Variants in KLHL7 observed in about 807,000 individuals in gnomAD.
KLHL7 encodes kelch like family member 7.
In KLHL7, 44 loss-of-function variants were observed where a neutral mutation model predicts 67.4. The observed-to-expected ratio is 0.65, with a 90% CI of 0.51 to 0.84. The LOEUF (loss-of-function observed/expected upper bound fraction) is 0.84, where lower values mean the gene tolerates loss of function less well. KLHL7 is among the 40% of genes least tolerant of loss of function. KLHL7 has a pLI of 0.00. For synonymous variants in KLHL7, 252 were observed against 243.3 expected (o/e 1.04, Z -0.33); for missense variants, 362 against 718.1 (o/e 0.50, Z 5.67).
At chr7:23,162,184 A>G (rs977987316) in intron 7 of KLHL7, among the ~76,000 whole-genome samples, 1 of 152,212 alleles carries the variant, frequency 6.6e-6, no homozygotes, top group Non-Finnish European at 1.5e-5. Flanking sequence ...CAGGGGCTAA[A>G]GACGCAGCTT....
At chr7:23,133,734 C>G (rs1006726063) in intron 4 of KLHL7, among the ~76,000 whole-genome samples, 5 of 152,060 alleles carry the variant, frequency 3.3e-5, no homozygotes, top group African/African-American at 1.2e-4. Context: ...ATGCCCAGCC[C>G]TCTTATTTCT....
chr7:23,175,763 C>T lies in KLHL7; in HGVS notation c.*1465C>T, dbSNP rs953818588. On this transcript the variant is annotated 3_prime_UTR_variant, in exon 11 of 11. Coordinates refer to ENST00000339077, the MANE Select transcript of KLHL7 (RefSeq NM_001031710.3). The stretch of plus-strand genomic sequence containing the variant: ...ATCATTTGAGGTCAGCAGTTCAAGA[C>T]CACCCTGGCCAACATGATGAGACCC... 4.0e-5 allele frequency: 7 copies of T among 174,434 alleles called. No individual in the cohort carries two copies. The highest frequency in any genetic ancestry group is 1.7e-4 in the African/African-American group (7 of 41,404). The allele number at this position is 174,434 out of a possible 1,614,324, so 10.8% of individuals were successfully genotyped here.
chr7:23,111,306 T>C (rs749447888), intron 1 of KLHL7, among the ~76,000 whole-genome samples: 2 of 152,162 alleles, frequency 1.3e-5, no homozygotes, highest in Non-Finnish European at 2.9e-5. Context: ...TACTTTATTA[T>C]AGAATGGCAA....
At chr7:23,125,283 T>C in intron 4 of KLHL7, 111 bp downstream of exon 4, 1 of 1,122,744 alleles carries the variant, frequency 8.9e-7, no homozygotes, top group South Asian at 1.4e-5. Flanking sequence ...TTAAAGACAT[T>C]GTCCACTAGA....
chr7:23,150,617 T>G (rs1164581875), intron 6 of KLHL7, among the ~76,000 whole-genome samples: 1 of 152,170 alleles, frequency 6.6e-6, no homozygotes. Flanking sequence ...AACTTTAGAT[T>G]GATAAACTCC....
chr7:23,159,601 G>A (rs541177078), intron 7 of KLHL7, among the ~76,000 whole-genome samples: 6 of 151,900 alleles, frequency 3.9e-5, no homozygotes, highest in African/African-American at 7.2e-5. Flanking sequence ...GCGTGATCTC[G>A]GTTCACTGCA....
chr7:23,142,895 CA>C (rs1441792472), intron 5 of KLHL7, among the ~76,000 whole-genome samples: 2 of 151,652 alleles, frequency 1.3e-5, no homozygotes, highest in African/African-American at 2.4e-5. Flanking sequence ...TAAAGAAATC[CA>C]AAAAAATATG....
chr7:23,107,565 T>G (rs1782694723), intron 1 of KLHL7, among the ~76,000 whole-genome samples: 1 of 152,238 alleles, frequency 6.6e-6, no homozygotes, highest in Non-Finnish European at 1.5e-5. Context: ...AGCAGAGGAT[T>G]ATCTGAGACT....
At chr7:23,110,703 G>A (rs1189530684) in intron 1 of KLHL7, among the ~76,000 whole-genome samples, 1 of 150,614 alleles carries the variant, frequency 6.6e-6, no homozygotes, top group South Asian at 2.1e-4. Flanking sequence ...CCATATTGGT[G>A]TGCTGCACCC....
chr7:23,174,869 A>G lies in KLHL7; in HGVS notation c.*571A>G, dbSNP rs540531789. On this transcript the variant is annotated 3_prime_UTR_variant, in exon 11 of 11. Transcript: ENST00000339077. The stretch of plus-strand genomic sequence containing the variant: ...CACACTTTCTCACAAAACTTCCTAA[A>G]CAGATTTGGGGGTTTAATATGTCCA... 2.2e-6 allele frequency: 1 copy of G among 454,556 alleles called. No homozygotes were observed. Among genetic ancestry groups the G allele is most frequent in the East Asian group, 6.9e-5 (1 of 14,398 alleles). The allele number at this position is 454,556 out of a possible 1,614,324, so 28.2% of individuals were successfully genotyped here. A position where few individuals can be genotyped will look rare whatever the true frequency, so the allele number is the denominator to read the frequency against.
chr7:23,159,287 C>A (rs1324785490), intron 7 of KLHL7, among the ~76,000 whole-genome samples: 1 of 152,050 alleles, frequency 6.6e-6, no homozygotes, highest in African/African-American at 2.4e-5. Flanking sequence ...CCTCAGCCTC[C>A]CAAGTAGCAG....
intron 6 of KLHL7, among the ~76,000 whole-genome samples, chr7:23,147,462 A>C (rs1261174274): frequency 6.6e-6 from 1 of 151,982 alleles, no homozygotes; most frequent in Non-Finnish European, 1.5e-5. Flanking sequence ...AAACTCTTCA[A>C]ATGTTATTTT....
intron 4 of KLHL7, chr7:23,125,904 G>C: frequency 6.7e-7 from 1 of 1,495,930 alleles, no homozygotes; most frequent in African/African-American, 1.4e-5. Flanking sequence ...AAGACCCCCA[G>C]TGAATGCCTG....
chr7:23,165,946 C>G lies in KLHL7; in HGVS notation c.1177+8C>G. 6.2e-7 allele frequency: 1 copy of G among 1,613,808 alleles called. No homozygotes were observed. The highest frequency in any genetic ancestry group is 1.3e-5 in the African/African-American group (1 of 74,998). ...CTGGAGGTTCAGAAGTAGGTAAGGA[C>G]TTCTTAAGTATTTTGGTTTGGGGCA... On this transcript the variant is annotated splice_region_variant and intron_variant, in intron 8 of 10. Transcript: ENST00000339077.
chr7:23,108,798 A>G (rs1187438200), intron 1 of KLHL7, among the ~76,000 whole-genome samples: 1 of 151,986 alleles, frequency 6.6e-6, no homozygotes, highest in Non-Finnish European at 1.5e-5. Context: ...TATGGCATAA[A>G]CTCTTGTGTT....
chr7:23,169,539 T>C (rs1785096372), intron 9 of KLHL7, among the ~76,000 whole-genome samples: 1 of 152,160 alleles, frequency 6.6e-6, no homozygotes, highest in Non-Finnish European at 1.5e-5. Context: ...TGATTCATTC[T>C]GCTAATTATT....
intron 6 of KLHL7, among the ~76,000 whole-genome samples, chr7:23,147,962 A>G (rs1451006641): frequency 4.6e-5 from 7 of 152,158 alleles, no homozygotes; most frequent in Admixed American, 4.6e-4. Flanking sequence ...GTAACCACCA[A>G]TCCTAGTGAT....
At chr7:23,159,450 C>G (rs1400792811) in intron 7 of KLHL7, among the ~76,000 whole-genome samples, 2 of 152,128 alleles carry the variant, frequency 1.3e-5, no homozygotes, top group Non-Finnish European at 2.9e-5. Flanking sequence ...GATAAAAGTA[C>G]CTGAACCACC....
intron 7 of KLHL7, among the ~76,000 whole-genome samples, chr7:23,160,175 T>C (rs1026882875): frequency 6.6e-6 from 1 of 152,226 alleles, no homozygotes. Context: ...ATTTAAAGTG[T>C]AATATACCTT....
Sources: gnomAD v4.1 joint callset for allele counts (sites outside exome capture counted in the v4.1 genomes callset) on GRCh38, gnomAD v4.1.1 for gene constraint, MANE v1.5 for transcripts, NCBI Gene and HGNC (gene_info 2026-07-23, HGNC 2026-07-21) for gene names.